The following MKRN2OS variants were observed in gnomAD, a reference collection of about 807,000 sequenced individuals.
MKRN2OS encodes the protein MKRN2 opposite strand protein.
Under a neutral mutation model 18.2 loss-of-function variants are expected in MKRN2OS, and 17 were observed. The ratio of observed to expected loss-of-function variants is 0.93; its 90% confidence interval spans 0.64 to 1.40. MKRN2OS has a LOEUF of 1.40. MKRN2OS is among the 40% of genes most tolerant of loss of function. MKRN2OS has a pLI of 0.00. For synonymous variants in MKRN2OS, 121 were observed against 108.5 expected (o/e 1.12, Z -0.72); for missense variants, 337 against 283.0 (o/e 1.19, Z -1.37).
At chr3:12,548,849 TATCTTA>T (rs1380585887), upstream of MKRN2OS, among the ~76,000 whole-genome samples, 4 of 152,228 alleles carry the variant, frequency 2.6e-5, no homozygotes, top group African/African-American at 9.6e-5. Flanking sequence ...ACCTTTTCTC[TATCTTA>T]ATCTTGTTAT....
upstream of MKRN2OS, among the ~76,000 whole-genome samples, chr3:12,545,887 A>G (rs1174148174): frequency 6.6e-6 from 1 of 151,642 alleles, no homozygotes; most frequent in Admixed American, 6.6e-5. Context: ...GCTCACTGCA[A>G]CCTCCACCCT....
chr3:12,551,199 A>T (rs964405112), downstream of MKRN2OS, among the ~76,000 whole-genome samples: 2 of 152,024 alleles, frequency 1.3e-5, no homozygotes, highest in African/African-American at 2.4e-5. Context: ...TTTATTAAAA[A>T]AAAAAAAAAA....
chr3:12,545,390 C>T lies in MKRN2OS; in HGVS notation c.75G>A (p.Val25=), dbSNP rs368420421. ...HCEKYIYSFS[V]PQCCPLCQQD... is the part of the protein sequence containing the mutation. Reference sequence around the variant, plus strand: ...GCTGGCAGAGAGGGCAGCACTGGGGCACACTGAAGCTGTAGATGTATTTCT... The same window carrying T: ...GCTGGCAGAGAGGGCAGCACTGGGGTACACTGAAGCTGTAGATGTATTTCT... Residue 25 remains valine (V), a synonymous_variant, in exon 1 of 4, where the codon GTG becomes GTA. Coordinates refer to ENST00000564146, the MANE Select transcript of MKRN2OS (RefSeq NM_001195279.2). 1.9e-5 allele frequency: 29 copies of T among 1,535,902 alleles called. 1 individual carries two copies. The East Asian group carries it at 2.4e-4, about 13-fold the overall frequency.
intron 1 of MKRN2OS, 80 bp from the exon 2 acceptor site, chr3:12,543,309 G>A (rs771866538): frequency 5.2e-5 from 62 of 1,191,504 alleles, no homozygotes; most frequent in Non-Finnish European, 6.4e-5. Flanking sequence ...GGAGGATGCC[G>A]AGCACAGTGG....
Position 12,543,244 on chromosome 3 carries a change from G to A in MKRN2OS, c.219-15C>T. 6.6e-7 allele frequency: 1 copy of A among 1,522,372 alleles called. No homozygotes were observed. Among genetic ancestry groups the A allele is most frequent in the Non-Finnish European group, 8.8e-7 (1 of 1,141,714 alleles). 94.3% of individuals were successfully genotyped at this position (1,522,372 alleles called of 1,614,324 possible). On this transcript the variant is annotated splice_polypyrimidine_tract_variant and intron_variant, in intron 1 of 3. Transcript: ENST00000564146. ...CATCATACTCTCTGAAAGAAACAAGGTTTGTTTTTTTTTGGTTTGCATGTA... is the reference window on the plus strand; with the variant it reads ...CATCATACTCTCTGAAAGAAACAAGATTTGTTTTTTTTTGGTTTGCATGTA...
At chr3:12,544,516 AAAT>A (rs2057858996) in intron 1 of MKRN2OS, among the ~76,000 whole-genome samples, 2 of 151,962 alleles carry the variant, frequency 1.3e-5, no homozygotes, top group South Asian at 4.2e-4. Flanking sequence ...TCTCTACTAA[AAAT>A]ACAAAAATTA....
At chr3:12,550,014 G>T (rs1482634154), upstream of MKRN2OS, among the ~76,000 whole-genome samples, 1 of 152,168 alleles carries the variant, frequency 6.6e-6, no homozygotes, top group African/African-American at 2.4e-5. Context: ...ATGGTATAGT[G>T]ATTTGGAAAA....
downstream of MKRN2OS, among the ~76,000 whole-genome samples, chr3:12,553,520 T>C (rs541103142): frequency 2.0e-4 from 31 of 152,128 alleles, no homozygotes; most frequent in South Asian, 6.4e-3. Context: ...TGGCAATGGA[T>C]AGCCTAAAAA....
intron 1 of MKRN2OS, chr3:12,554,171 A>G (rs2057949088): frequency 6.6e-6 from 1 of 152,218 alleles, no homozygotes; most frequent in African/African-American, 2.4e-5. Flanking sequence ...GTTAGCAAGC[A>G]GACGCAGTTT....
chr3:12,540,574 T>A, intron 3 of MKRN2OS, 141 bp from the exon 4 acceptor site: 1 of 996,660 alleles, frequency 1.0e-6, no homozygotes, highest in South Asian at 1.5e-5. Context: ...GTTAAGAAGC[T>A]TCAAGATGTG....
At chr3:12,540,576 C>T in intron 3 of MKRN2OS, 143 bp from the exon 4 acceptor site, 1 of 968,980 alleles carries the variant, frequency 1.0e-6, no homozygotes, top group Non-Finnish European at 1.5e-6. Flanking sequence ...TAAGAAGCTT[C>T]AAGATGTGCA....
At chr3:12,554,338 A>G (rs997902713) in intron 1 of MKRN2OS, among the ~76,000 whole-genome samples, 24 of 148,088 alleles carry the variant, frequency 1.6e-4, no homozygotes, top group Admixed American at 9.8e-4. Context: ...CCAAGTGGAG[A>G]CTGCTTGCAT....
chr3:12,557,088 A>G (rs962443210), intron 1 of MKRN2OS: 1 of 1,466,320 alleles, frequency 6.8e-7, no homozygotes, highest in Non-Finnish European at 9.0e-7. Context: ...GCCAGGGCCA[A>G]GGCCGAGGCG....
chr3:12,545,403 T>C lies in MKRN2OS; in HGVS notation c.62A>G (p.Tyr21Cys). Reference protein sequence around the residue: ...IKFNHCEKYIYSFSVPQCCPL... With the variant: ...IKFNHCEKYICSFSVPQCCPL... ...GCAGCACTGGGGCACACTGAAGCTG[T>C]AGATGTATTTCTCACAGTGGTTGAA... The change falls in exon 1 of 4, where the codon TAC becomes TGC. Residue 21 changes from tyrosine (Y) to cysteine (C), a missense_variant. By Grantham distance (194) the Tyr-to-Cys change is radical. Coordinates refer to ENST00000564146, the MANE Select transcript of MKRN2OS (RefSeq NM_001195279.2). The C allele has an allele frequency of 6.5e-7, 1 of 1,535,684 alleles. No homozygotes were observed. Among genetic ancestry groups the C allele is most frequent in the South Asian group, 1.2e-5 (1 of 84,008 alleles).
At chr3:12,545,605 A>G (rs773477595), upstream of MKRN2OS, 2 of 606,866 alleles carry the variant, frequency 3.3e-6, no homozygotes, top group Non-Finnish European at 5.6e-6. Context: ...GCCAAACCAG[A>G]TAGGATTAAC....
upstream of MKRN2OS, among the ~76,000 whole-genome samples, chr3:12,546,512 A>T (rs1229914969): frequency 6.6e-6 from 1 of 150,478 alleles, no homozygotes; most frequent in East Asian, 1.9e-4. Context: ...TTTTAAAATA[A>T]TTTTTTAATT....
At chr3:12,558,414 T>G (rs2058003019) in intron 1 of MKRN2OS, among the ~76,000 whole-genome samples, 1 of 152,174 alleles carries the variant, frequency 6.6e-6, no homozygotes, top group South Asian at 2.1e-4. Flanking sequence ...CCTAGGTCAT[T>G]GTGCACTGTA....
chr3:12,548,385 T>C (rs2057902195), upstream of MKRN2OS, among the ~76,000 whole-genome samples: 1 of 124,478 alleles, frequency 8.0e-6, no homozygotes, highest in Non-Finnish European at 1.6e-5. Flanking sequence ...GAGGCGGAGC[T>C]TGCAGTGAGC....
intron 1 of MKRN2OS, among the ~76,000 whole-genome samples, chr3:12,556,804 G>A (rs2057975070): frequency 1.3e-5 from 2 of 152,170 alleles, no homozygotes; most frequent in Non-Finnish European, 2.9e-5. Flanking sequence ...AGATCCCTAA[G>A]GAATACTCTT....
Sources: allele counts gnomAD v4.1 joint callset (sites outside exome capture counted in the v4.1 genomes callset), GRCh38; gene constraint gnomAD v4.1.1; transcripts MANE v1.5; gene names NCBI Gene and HGNC (gene_info 2026-07-23, HGNC 2026-07-21).